Variants in PKD1L3 observed in about 807,000 individuals in gnomAD.
PKD1L3 encodes the protein polycystin-1-like protein 3.
Under a neutral mutation model 184.1 loss-of-function variants are expected in PKD1L3, and 239 were observed. That is an observed-to-expected ratio of 1.30 (90% confidence interval 1.17 to 1.45). PKD1L3 has a LOEUF of 1.45. Among genes scored for constraint, PKD1L3 ranks in the 40% most tolerant of loss-of-function variants. The probability of loss-of-function intolerance (pLI) is 0.00; values close to 1 mark genes in which losing one functional copy is unlikely to be tolerated. For synonymous variants in PKD1L3, 996 were observed against 778.8 expected, an observed-to-expected ratio of 1.28 and a Z score of -4.64; for missense variants, 2,660 against 2,067.2, an observed-to-expected ratio of 1.29 and a Z score of -5.56.
In PKD1L3 at chr16:71,944,091, A is replaced by C. The variant is rs1408079828; in HGVS notation, c.3798T>G (p.Thr1266=). The change falls in exon 23 of 30, where the codon ACT becomes ACG. Residue 1266 remains threonine, a synonymous_variant. Coordinates refer to ENST00000620267, the MANE Select transcript of PKD1L3 (RefSeq NM_181536.2). ...TTTTCAAGGTTCTTTCTGGGTGCTT[A>C]GTTGGACTATTTATAGCTGGGGCTA... The part of the protein sequence containing the change: ...VYVAPAINSP[T]KHPERTLKKK... 6.4e-7 allele frequency: 1 copy of C among 1,551,902 alleles called. No homozygotes were observed. The highest frequency in any genetic ancestry group is 1.2e-5 in the South Asian group (1 of 84,054).
At chr16:71,994,852 T>C (rs2040726881) in intron 2 of PKD1L3, among the ~76,000 whole-genome samples, 1 of 151,782 alleles carries the variant, frequency 6.6e-6, no homozygotes, top group African/African-American at 2.4e-5. Flanking sequence ...ATACAAAAAT[T>C]AGCCGAGTGC....
chr16:71,938,730 C>T (rs966010355), intron 24 of PKD1L3, among the ~76,000 whole-genome samples: 3 of 152,188 alleles, frequency 2.0e-5, no homozygotes, highest in African/African-American at 4.8e-5. Context: ...GATCTCTCTG[C>T]TGAGGGCTAC....
At chr16:71,986,112 C>T (rs937821924) in intron 5 of PKD1L3, 109 bp downstream of exon 5, 1 of 1,385,748 alleles carries the variant, frequency 7.2e-7, no homozygotes, top group African/African-American at 1.4e-5. Context: ...GGCATATACG[C>T]TGGTCTGTCA....
rs2038087778 is a variant in PKD1L3 at position 71,934,051 on chromosome 16, GC to G, written c.4687del (p.Ala1563GlnfsTer22). Reference protein sequence around the residue: ...THLVGFPVLLATVQLWNLLRH... With the variant: ...THLVGFPVLLXTVQLWNLLRH... ...CAGCAGGTTCCATAACTGAACAGTT[GC>G]CAGGAGAACCGGGAAGCCCACAAGG... On this transcript the variant is annotated frameshift_variant, in exon 27 of 30. Transcript: ENST00000620267. LOFTEE classifies it high-confidence loss of function. 17 of 1,551,902 alleles carry G rather than the reference GC, an allele frequency of 1.1e-5. No homozygotes were observed. The highest frequency in any genetic ancestry group is 1.3e-5 in the Non-Finnish European group (15 of 1,147,036).
intron 15 of PKD1L3, among the ~76,000 whole-genome samples, chr16:71,965,823 G>A (rs912115870): frequency 1.3e-5 from 2 of 152,024 alleles, no homozygotes; most frequent in African/African-American, 4.8e-5. Flanking sequence ...CAAAGTGCTG[G>A]GATTACAGGC....
In PKD1L3 at chr16:71,950,005, A is replaced by C. The variant is rs368490264; in HGVS notation, c.3396T>G (p.Ser1132Arg). The change falls in exon 21 of 30, where the codon AGT (serine) becomes AGG (arginine). Residue 1132 changes from serine (S) to arginine (R), a missense_variant. Physicochemically the swap from Ser to Arg is moderately radical, Grantham distance 110. Coordinates refer to ENST00000620267, the MANE Select transcript of PKD1L3 (RefSeq NM_181536.2). ...CTTCTTCTGAGCTCAGGATGGCAAA[A>C]CTGGTGACTTCCCTGAAGCACAAAA... ...TEQEPSREVT[S>R]FAILSSEEGK... 8.2e-5 allele frequency: 127 copies of C among 1,551,186 alleles called. No individual in the cohort carries two copies. In the African/African-American group the frequency reaches 1.6e-3, roughly 20 times the overall value.
intron 16 of PKD1L3, among the ~76,000 whole-genome samples, chr16:71,957,680 C>T (rs151117907): frequency 6.6e-6 from 1 of 152,118 alleles, no homozygotes; most frequent in Non-Finnish European, 1.5e-5. Context: ...GCCTGTATTT[C>T]TAGCTACTCG....
intron 25 of PKD1L3, among the ~76,000 whole-genome samples, chr16:71,936,081 C>T (rs72801794): frequency 0.072 from 10,878 of 152,048 alleles, 503 homozygotes; most frequent in Middle Eastern, 0.18. Flanking sequence ...CAGGCGTGAG[C>T]CACCATGCCC....
At chr16:71,935,230 A>C in intron 26 of PKD1L3, 128 bp downstream of exon 26, 1 of 1,039,358 alleles carries the variant, frequency 9.6e-7, no homozygotes, top group Non-Finnish European at 1.4e-6. Flanking sequence ...CATGAGTCCA[A>C]GTTCTCTTTT....
At chr16:71,943,299 A>G (rs2038426394) in intron 23 of PKD1L3, among the ~76,000 whole-genome samples, 1 of 152,006 alleles carries the variant, frequency 6.6e-6, no homozygotes, top group Non-Finnish European at 1.5e-5. Context: ...CACTTTGGGA[A>G]GCTGAGACGG....
Position 71,954,319 on chromosome 16 carries a change from A to C in PKD1L3, c.2613-18T>G. The stretch of plus-strand genomic sequence containing the variant: ...ACAGATGTCTGAAAAGAGAAATCAG[A>C]AGAGGAAATACATGAGATTTTATTC... On this transcript the variant is annotated intron_variant, in intron 16 of 29. Coordinates refer to ENST00000620267, the MANE Select transcript of PKD1L3 (RefSeq NM_181536.2). The C allele has an allele frequency of 6.7e-7, 1 of 1,498,180 alleles. No individual in the cohort carries two copies. Among genetic ancestry groups the C allele is most frequent in the South Asian group, 1.3e-5 (1 of 77,742 alleles). The allele number at this position is 1,498,180 out of a possible 1,614,324, so 92.8% of individuals were successfully genotyped here. A position where few individuals can be genotyped will look rare whatever the true frequency, so the allele number is the denominator to read the frequency against.
intron 16 of PKD1L3, among the ~76,000 whole-genome samples, chr16:71,955,226 C>A (rs1467032882): frequency 1.3e-5 from 2 of 151,892 alleles, no homozygotes. Flanking sequence ...CAAAACCAGT[C>A]ACGGGTGGTG....
At chr16:71,948,503 G>T (rs1358967882) in intron 21 of PKD1L3, among the ~76,000 whole-genome samples, 1 of 152,112 alleles carries the variant, frequency 6.6e-6, no homozygotes, top group Non-Finnish European at 1.5e-5. Context: ...TTACAGGCAT[G>T]AGCCACTGCG....
chr16:71,967,383 G>A, intron 14 of PKD1L3, 68 bp from the exon 15 acceptor site: 5 of 1,410,548 alleles, frequency 3.5e-6, no homozygotes, highest in Non-Finnish European at 3.8e-6. Context: ...TATCCCTAAG[G>A]AGAAAGACGA....
chr16:71,953,548 G>A (rs1196703591), intron 17 of PKD1L3, among the ~76,000 whole-genome samples: 1 of 152,150 alleles, frequency 6.6e-6, no homozygotes, highest in African/African-American at 2.4e-5. Context: ...GCCTTACAAA[G>A]CAAAGCATCT....
At chr16:71,957,601 C>G (rs2039096083) in intron 16 of PKD1L3, among the ~76,000 whole-genome samples, 1 of 151,994 alleles carries the variant, frequency 6.6e-6, no homozygotes, top group South Asian at 2.1e-4. Context: ...AGTTCGAGAC[C>G]AGCCTGGCCA....
intron 28 of PKD1L3, among the ~76,000 whole-genome samples, chr16:71,931,637 G>T: frequency 6.6e-6 from 1 of 151,634 alleles, no homozygotes; most frequent in East Asian, 1.9e-4. Flanking sequence ...GCTAATTTTT[G>T]TATTTTAGTA....
chr16:71,972,960 C>A (rs1256985197), intron 12 of PKD1L3, among the ~76,000 whole-genome samples: 2 of 152,220 alleles, frequency 1.3e-5, no homozygotes, highest in Admixed American at 6.5e-5. Context: ...GAATGTATTT[C>A]TTGAGCTATG....
rs1053585035 is a variant in PKD1L3, at chr16:71,950,305, G to T, written c.3196C>A (p.Pro1066Thr). The T allele has an allele frequency of 1.3e-6, 2 of 1,517,890 alleles. No individual in the cohort carries two copies. The highest frequency in any genetic ancestry group is 1.8e-6 in the Non-Finnish European group (2 of 1,128,448). 94.0% of individuals were successfully genotyped at this position (1,517,890 alleles called of 1,614,324 possible). A position where few individuals can be genotyped will look rare whatever the true frequency, so the allele number is the denominator to read the frequency against. The part of the protein sequence containing the change: ...QGERHWARVV[P>T]ENHHHFCCYL... ...CAGCAGAAATGATGGTGGTTTTCAG[G>T]AACAACTGAAAATATATTTCAAGTT... The change falls in exon 20 of 30, where the codon CCT becomes ACT. Residue 1066 changes from proline to threonine, a missense_variant. Transcript: ENST00000620267.
Sources: gnomAD v4.1 joint callset for allele counts (sites outside exome capture counted in the v4.1 genomes callset) on GRCh38, gnomAD v4.1.1 for gene constraint, MANE v1.5 for transcripts, NCBI Gene and HGNC (gene_info 2026-07-23, HGNC 2026-07-21) for gene names.